Variants in TFEC observed in about 807,000 individuals in gnomAD.
The protein encoded by TFEC is transcription factor EC.
A neutral mutation model predicts 41.6 loss-of-function variants in TFEC; 31 were observed. The observed-to-expected ratio is 0.74, with a 90% CI of 0.56 to 1.01. The LOEUF is 1.01. TFEC is among the 50% of genes least tolerant of loss of function. The pLI is 0.00. For missense variants in TFEC, 402 were observed against 404.1 expected, an observed-to-expected ratio of 0.99 and a Z score of 0.04; for synonymous variants, 143 against 140.6, an observed-to-expected ratio of 1.02 and a Z score of -0.12.
chr7:116,145,839 A>G (rs1383879007), intron 1 of TFEC, among the ~76,000 whole-genome samples: 1 of 152,214 alleles, frequency 6.6e-6, no homozygotes, highest in Admixed American at 6.5e-5. Context: ...TTATAAGTTA[A>G]AATGCCAAAA....
intron 5 of TFEC, among the ~76,000 whole-genome samples, chr7:115,952,866 T>G (rs1303412962): frequency 6.6e-6 from 1 of 152,094 alleles, no homozygotes; most frequent in Non-Finnish European, 1.5e-5. Flanking sequence ...TGGCCATGCC[T>G]CTCTCCACTC....
intron 3 of TFEC, among the ~76,000 whole-genome samples, chr7:116,090,254 C>G (rs529113003): frequency 6.6e-6 from 1 of 152,044 alleles, no homozygotes; most frequent in Non-Finnish European, 1.5e-5. Context: ...TTTCTGCAAC[C>G]AATTAGACTG....
intron 1 of TFEC, among the ~76,000 whole-genome samples, chr7:116,002,916 G>T (rs530060304): frequency 6.6e-6 from 1 of 152,194 alleles, no homozygotes; most frequent in Admixed American, 6.5e-5. Flanking sequence ...TAGTATAACT[G>T]ATATGTTAAG....
At chr7:116,067,499 T>C (rs1796722319) in intron 3 of TFEC, among the ~76,000 whole-genome samples, 1 of 152,028 alleles carries the variant, frequency 6.6e-6, no homozygotes, top group South Asian at 2.1e-4. Flanking sequence ...TGGATATCCA[T>C]GACTATAAGC....
chr7:116,098,890 G>GGAAGGAAC, intron 3 of TFEC, among the ~76,000 whole-genome samples: 1 of 142,328 alleles, frequency 7.0e-6, no homozygotes, highest in East Asian at 2.0e-4. Flanking sequence ...AAGGAAGGAA[G>GGAAGGAAC]GAAGGAAGGA....
At chr7:116,018,951 A>G (rs1036830416) in intron 1 of TFEC, among the ~76,000 whole-genome samples, 2 of 152,192 alleles carry the variant, frequency 1.3e-5, no homozygotes, top group African/African-American at 4.8e-5. Flanking sequence ...ATGGTTAGGT[A>G]AAGCAGAACA....
At chr7:116,114,265 A>C (rs950045458) in intron 1 of TFEC, among the ~76,000 whole-genome samples, 1 of 152,022 alleles carries the variant, frequency 6.6e-6, no homozygotes, top group African/African-American at 2.4e-5. Flanking sequence ...TCAAAATTTA[A>C]ATGGATATCA....
intron 1 of TFEC, chr7:116,117,377 A>G (rs1452219657): frequency 3.3e-5 from 5 of 151,808 alleles, no homozygotes; most frequent in African/African-American, 9.7e-5. Context: ...AGACAATAGG[A>G]CAGACCTCTC....
At chr7:115,973,518 C>G (rs1299461058) in intron 3 of TFEC, among the ~76,000 whole-genome samples, 1 of 151,884 alleles carries the variant, frequency 6.6e-6, no homozygotes, top group Non-Finnish European at 1.5e-5. Context: ...AGAGCTTACA[C>G]ACCCTTTACA....
chr7:116,125,491 C>T (rs1386504387), intron 1 of TFEC, among the ~76,000 whole-genome samples: 2 of 152,060 alleles, frequency 1.3e-5, no homozygotes, highest in Non-Finnish European at 2.9e-5. Context: ...CAGCTAAGAC[C>T]ATCATGGTTG....
intron 3 of TFEC, among the ~76,000 whole-genome samples, chr7:116,049,814 G>GATT (rs1796264590): frequency 6.6e-6 from 1 of 152,142 alleles, no homozygotes; most frequent in African/African-American, 2.4e-5. Flanking sequence ...TAGAACTCAG[G>GATT]ATTAAGAAAC....
intron 3 of TFEC, among the ~76,000 whole-genome samples, chr7:116,091,331 A>G (rs1055934630): frequency 6.6e-6 from 1 of 152,124 alleles, no homozygotes; most frequent in African/African-American, 2.4e-5. Flanking sequence ...TTAGCTTTCA[A>G]TTGTTGCAAG....
intron 1 of TFEC, among the ~76,000 whole-genome samples, chr7:116,136,405 T>C (rs1798433770): frequency 6.6e-6 from 1 of 152,004 alleles, no homozygotes; most frequent in Admixed American, 6.6e-5. Context: ...CAGCTGTAAA[T>C]AGAACATAGT....
chr7:115,964,229 T>G (rs13225384), intron 3 of TFEC, among the ~76,000 whole-genome samples: 20,739 of 151,638 alleles, frequency 0.14, 1,915 homozygotes, highest in Non-Finnish European at 0.21. Context: ...AATCGTATTA[T>G]GATTACTGAA....
intron 3 of TFEC, among the ~76,000 whole-genome samples, chr7:115,958,206 T>C (rs540352469): frequency 6.6e-5 from 10 of 151,992 alleles, no homozygotes; most frequent in African/African-American, 1.4e-4. Context: ...ATCTGTAAAA[T>C]AGGGACAAAG....
At chr7:116,013,548 CT>C (rs971404445) in intron 1 of TFEC, among the ~76,000 whole-genome samples, 1 of 152,088 alleles carries the variant, frequency 6.6e-6, no homozygotes, top group Non-Finnish European at 1.5e-5. Flanking sequence ...TTAACTTGTA[CT>C]TCCATTTCAT....
At chr7:115,965,989 T>C (rs909069932) in intron 3 of TFEC, among the ~76,000 whole-genome samples, 6 of 151,542 alleles carry the variant, frequency 4.0e-5, no homozygotes, top group Admixed American at 1.3e-4. Context: ...GCCTAAATTA[T>C]GTTCCCCGCC....
Position 115,940,459 on chromosome 7 carries a change from AT to A in TFEC, c.*91del. The A allele has an allele frequency of 7.2e-7, 1 of 1,388,578 alleles. No individual in the cohort carries two copies. Among genetic ancestry groups the A allele is most frequent in the South Asian group, 1.6e-5 (1 of 62,432 alleles). 86.0% of individuals were successfully genotyped at this position (1,388,578 alleles called of 1,614,324 possible). A position where few individuals can be genotyped will look rare whatever the true frequency, so the allele number is the denominator to read the frequency against. Reference sequence around the variant, plus strand: ...ACAACACATTCCTTTAAGAAAAAAAATAAGCCAAAGCAACATATGAAACACA... The same window carrying A: ...ACAACACATTCCTTTAAGAAAAAAAAAAGCCAAAGCAACATATGAAACACA... On this transcript the variant is annotated 3_prime_UTR_variant, in exon 8 of 8. Transcript: ENST00000265440.
At chr7:116,081,119 A>G (rs1797080305) in intron 3 of TFEC, among the ~76,000 whole-genome samples, 1 of 151,898 alleles carries the variant, frequency 6.6e-6, no homozygotes, top group African/African-American at 2.4e-5. Flanking sequence ...CCTCCGGAAT[A>G]GAATACCAAA....
Sources: allele counts gnomAD v4.1 joint callset (sites outside exome capture counted in the v4.1 genomes callset), GRCh38; gene constraint gnomAD v4.1.1; transcripts MANE v1.5; gene names NCBI Gene and HGNC (gene_info 2026-07-23, HGNC 2026-07-21).